Variants in CDC37L1 observed in about 807,000 individuals in gnomAD.
CDC37L1 encodes the protein cell division cycle 37 like 1, HSP90 cochaperone, also known as hsp90 co-chaperone Cdc37-like 1.
CDC37L1 carries 32 observed loss-of-function variants against 45.9 expected under a neutral mutation model. The ratio of observed to expected loss-of-function variants is 0.70; its 90% CI spans 0.53 to 0.94. The LOEUF (loss-of-function observed/expected upper bound fraction) is 0.94, where lower values mean the gene tolerates loss of function less well. Ranked by LOEUF, CDC37L1 falls within the 40% of genes least tolerant of loss-of-function variation. CDC37L1 has a pLI of 0.00. For synonymous variants in CDC37L1, 150 were observed against 133.0 expected, an observed-to-expected ratio of 1.13 and a Z score of -0.88; for missense variants, 434 against 405.7, an observed-to-expected ratio of 1.07 and a Z score of -0.60.
At chr9:4,698,579 A>G (rs555840069) in intron 5 of CDC37L1, among the ~76,000 whole-genome samples, 5 of 151,938 alleles carry the variant, frequency 3.3e-5, no homozygotes, top group Non-Finnish European at 7.4e-5. Context: ...CTGCTAGTGG[A>G]AGTATAAATT....
intron 3 of CDC37L1, among the ~76,000 whole-genome samples, chr9:4,691,941 A>C (rs1402950967): frequency 6.6e-6 from 1 of 152,160 alleles, no homozygotes; most frequent in Non-Finnish European, 1.5e-5. Context: ...GTTTGACATC[A>C]CTGGCTTTAT....
chr9:4,681,513 G>A (rs774202240), intron 1 of CDC37L1, among the ~76,000 whole-genome samples: 13 of 152,196 alleles, frequency 8.5e-5, no homozygotes, highest in Non-Finnish European at 1.6e-4. Context: ...GTGTGGTGGC[G>A]CATGCCTGTG....
chr9:4,700,337 A>G (rs920685643), intron 5 of CDC37L1, among the ~76,000 whole-genome samples: 2 of 151,994 alleles, frequency 1.3e-5, no homozygotes, highest in African/African-American at 4.8e-5. Context: ...TTGTAGAGAC[A>G]CGGTCTCACT....
At chr9:4,687,320 T>TA (rs1841256067) in intron 2 of CDC37L1, among the ~76,000 whole-genome samples, 1 of 152,188 alleles carries the variant, frequency 6.6e-6, no homozygotes, top group Non-Finnish European at 1.5e-5. Context: ...AGTACTTCCT[T>TA]AATAGAAATT....
chr9:4,682,732 C>A (rs13440441), intron 1 of CDC37L1, among the ~76,000 whole-genome samples: 2 of 151,484 alleles, frequency 1.3e-5, no homozygotes, highest in South Asian at 2.1e-4. Context: ...CTCAGCCTCC[C>A]AAAGTGCTGG....
chr9:4,702,663 C>T (rs1035026368), intron 6 of CDC37L1, among the ~76,000 whole-genome samples: 2 of 151,640 alleles, frequency 1.3e-5, no homozygotes, highest in African/African-American at 4.8e-5. Flanking sequence ...AGGCAGATCA[C>T]GAGGTCAGGA....
rs796247354 is a variant in CDC37L1, at chr9:4,684,739, A to T, written c.133-138A>T. On this transcript the variant is annotated intron_variant, in intron 1 of 6. Transcript: ENST00000381854. ...GAAACAAGGACTAAGATATAAAAAC[A>T]TGACTGCAGACCTAGAACACAGGAT... is the stretch of plus-strand genomic sequence containing the variant. 121 of 589,246 alleles carry T rather than the reference A, an allele frequency of 2.1e-4. No individual in the cohort carries two copies. The African/African-American group carries it at 2.1e-3, about 10-fold the overall frequency. The allele number at this position is 589,246 out of a possible 1,614,324, so 36.5% of individuals were successfully genotyped here. A position where few individuals can be genotyped will look rare whatever the true frequency, so the allele number is the denominator to read the frequency against.
intron 6 of CDC37L1, chr9:4,703,166 A>G: frequency 1.3e-6 from 2 of 1,482,112 alleles, no homozygotes; most frequent in Non-Finnish European, 9.0e-7. Flanking sequence ...TCAAAAGACA[A>G]TGTGAGGAGA....
At chr9:4,689,246 G>A (rs1284993642) in intron 3 of CDC37L1, among the ~76,000 whole-genome samples, 4 of 151,954 alleles carry the variant, frequency 2.6e-5, no homozygotes. Context: ...AGCATGGTGT[G>A]TTCTGAGAAT....
chr9:4,698,005 T>C, intron 5 of CDC37L1, 126 bp downstream of exon 5: 1 of 858,318 alleles, frequency 1.2e-6, no homozygotes. Flanking sequence ...GATTTTCTTG[T>C]GAAAAGAAAA....
chr9:4,683,821 C>G (rs887817308), intron 1 of CDC37L1, among the ~76,000 whole-genome samples: 7 of 152,104 alleles, frequency 4.6e-5, no homozygotes, highest in African/African-American at 1.7e-4. Flanking sequence ...GTACATTTGA[C>G]GAAGAACTCA....
intron 5 of CDC37L1, among the ~76,000 whole-genome samples, chr9:4,698,254 C>A (rs1212891725): frequency 6.7e-6 from 1 of 148,996 alleles, no homozygotes; most frequent in Admixed American, 6.7e-5. Context: ...TAGAACTCAG[C>A]AGTTTAATGA....
At chr9:4,703,116 G>C (rs1470350593) in intron 6 of CDC37L1, 1 of 1,536,550 alleles carries the variant, frequency 6.5e-7, no homozygotes. Context: ...GCTTTAGCCA[G>C]TTTAATCTGT....
chr9:4,680,214 C>T (rs1012632555), intron 1 of CDC37L1, among the ~76,000 whole-genome samples: 1 of 152,182 alleles, frequency 6.6e-6, no homozygotes, highest in Non-Finnish European at 1.5e-5. Flanking sequence ...TGGGGCGGCT[C>T]ATGCTGTAAC....
chr9:4,692,614 G>A (rs945761346), intron 3 of CDC37L1, among the ~76,000 whole-genome samples: 18 of 152,220 alleles, frequency 1.2e-4, no homozygotes, highest in East Asian at 1.9e-4. Context: ...ATGCCTGGAA[G>A]GAAATACATC....
chr9:4,702,099 T>A, intron 6 of CDC37L1, 71 bp downstream of exon 6: 3 of 699,760 alleles, frequency 4.3e-6, no homozygotes, highest in Non-Finnish European at 6.4e-6. Flanking sequence ...TTTGCCCCAC[T>A]CTTTTTTTTT....
Position 4,682,329 on chromosome 9 carries a change from A to AT in CDC37L1, c.132+2445dup, listed in dbSNP as rs1313029477. Among the ~76,000 whole-genome samples the AT allele has an allele frequency of 1.3e-3, 122 of 92,820 alleles. 7 individuals are homozygous for AT. Among genetic ancestry groups the AT allele is most frequent in the Middle Eastern group, 5.7e-3 (1 of 174 alleles). 60.9% of individuals were successfully genotyped at this position (92,820 alleles called of 152,430 possible). A position where few individuals can be genotyped will look rare whatever the true frequency, so the allele number is the denominator to read the frequency against. On this transcript the variant is annotated intron_variant, in intron 1 of 6. Coordinates refer to ENST00000381854, the MANE Select transcript of CDC37L1 (RefSeq NM_017913.4). ...AGGTGCCCACCACTGTGCCCAGCTA[A>AT]TTTTTTTTTTTTTTTGAGATGGAGT...
At chr9:4,703,106 G>C in intron 6 of CDC37L1, 1 of 1,542,024 alleles carries the variant, frequency 6.5e-7, no homozygotes, top group Non-Finnish European at 8.8e-7. Context: ...TTTAAGACCA[G>C]CTTTAGCCAG....
At chr9:4,691,855 A>G (rs537848677) in intron 3 of CDC37L1, among the ~76,000 whole-genome samples, 74 of 152,308 alleles carry the variant, frequency 4.9e-4, no homozygotes, top group African/African-American at 1.7e-3. Context: ...CGTTTTATAA[A>G]TATAAAATAT....
Sources: gnomAD v4.1 joint callset for allele counts (sites outside exome capture counted in the v4.1 genomes callset) on GRCh38, gnomAD v4.1.1 for gene constraint, MANE v1.5 for transcripts, NCBI Gene and HGNC (gene_info 2026-07-23, HGNC 2026-07-21) for gene names.